The following EPHA6 variants were observed in gnomAD, a reference collection of about 807,000 sequenced individuals.
The protein encoded by EPHA6 is ephrin type-A receptor 6.
EPHA6 carries 50 observed loss-of-function variants against 112.0 expected under a neutral mutation model. That is an observed-to-expected ratio of 0.45 (90% confidence interval 0.36 to 0.56). EPHA6 has a LOEUF of 0.56. EPHA6 is among the 20% of genes least tolerant of loss of function. The pLI, the probability that EPHA6 is intolerant of heterozygous loss-of-function variation, is 0.00. For missense variants in EPHA6, 1,280 were observed against 1,417.4 expected (o/e 0.90, Z 1.56); for synonymous variants, 529 against 490.7 (o/e 1.08, Z -1.03).
intron 2 of EPHA6, among the ~76,000 whole-genome samples, chr3:96,940,380 G>A (rs888737128): frequency 6.6e-6 from 1 of 152,058 alleles, no homozygotes; most frequent in African/African-American, 2.4e-5. Context: ...TTTTATCTTT[G>A]TTAGTTTAAA....
Position 96,973,995 on chromosome 3 carries a change from A to G in EPHA6, c.451-13335A>G, listed in dbSNP as rs1437992613. Among the ~76,000 whole-genome samples the G allele has an allele frequency of 2.1e-5, 3 of 145,652 alleles. 1 individual carries two copies. The highest frequency in any genetic ancestry group is 7.5e-5 in the African/African-American group (3 of 40,246). ...TAACAGAATCTTTATTATATATAATATACTGTGTATATTTAATAAAATATA... is the reference window on the plus strand; with the variant it reads ...TAACAGAATCTTTATTATATATAATGTACTGTGTATATTTAATAAAATATA... On this transcript the variant is annotated intron_variant, in intron 2 of 17. Transcript: ENST00000389672.
At chr3:97,690,031 A>G (rs941135225) in intron 14 of EPHA6, among the ~76,000 whole-genome samples, 2 of 152,198 alleles carry the variant, frequency 1.3e-5, no homozygotes, top group Non-Finnish European at 2.9e-5. Context: ...TTCATTCATC[A>G]GTGATGAACA....
chr3:96,933,938 A>C (rs751272304), intron 2 of EPHA6, among the ~76,000 whole-genome samples: 19 of 152,014 alleles, frequency 1.2e-4, no homozygotes, highest in Non-Finnish European at 2.9e-5. Context: ...TTGGTATTTT[A>C]TGACTCAATT....
intron 7 of EPHA6, among the ~76,000 whole-genome samples, chr3:97,469,720 G>A (rs146880801): frequency 6.6e-6 from 1 of 151,736 alleles, no homozygotes; most frequent in East Asian, 1.9e-4. Flanking sequence ...AATGGGACAT[G>A]GGAAAGGGAT....
chr3:97,572,397 G>T (rs2093343293), intron 11 of EPHA6, among the ~76,000 whole-genome samples: 1 of 152,024 alleles, frequency 6.6e-6, no homozygotes, highest in African/African-American at 2.4e-5. Context: ...TGATCCACCT[G>T]CCTCAGCCTC....
intron 2 of EPHA6, among the ~76,000 whole-genome samples, chr3:96,918,248 G>A (rs2039583374): frequency 6.6e-6 from 1 of 152,036 alleles, no homozygotes. Context: ...AATTTTTGAA[G>A]GGAAAAGGCA....
At chr3:97,367,558 G>C (rs998963594) in intron 5 of EPHA6, among the ~76,000 whole-genome samples, 20 of 152,004 alleles carry the variant, frequency 1.3e-4, no homozygotes, top group African/African-American at 4.8e-4. Context: ...TGTGTTGGGG[G>C]GTTGTTTTTA....
At chr3:97,580,501 C>A (rs1054300513) in intron 11 of EPHA6, among the ~76,000 whole-genome samples, 1 of 152,190 alleles carries the variant, frequency 6.6e-6, no homozygotes, top group African/African-American at 2.4e-5. Context: ...TCTTGACTCT[C>A]CTTCAATATT....
intron 3 of EPHA6, among the ~76,000 whole-genome samples, chr3:97,088,144 ACACTC>A (rs1256372447): frequency 1.3e-5 from 2 of 152,004 alleles, no homozygotes; most frequent in Non-Finnish European, 2.9e-5. Flanking sequence ...TCGTGCCACT[ACACTC>A]CAGCCTGGTG....
intron 11 of EPHA6, among the ~76,000 whole-genome samples, chr3:97,563,008 T>C (rs1424659974): frequency 6.6e-6 from 1 of 152,158 alleles, no homozygotes; most frequent in Non-Finnish European, 1.5e-5. Context: ...CTTAATAAAC[T>C]ACAGTATATT....
At chr3:96,831,801 G>C (rs1195138339) in intron 1 of EPHA6, among the ~76,000 whole-genome samples, 2 of 152,034 alleles carry the variant, frequency 1.3e-5, no homozygotes, top group African/African-American at 4.8e-5. Flanking sequence ...TAAGATATTA[G>C]ATAGTCCACA....
Position 97,181,934 on chromosome 3 carries a change from A to G in EPHA6, c.1115-44330A>G, listed in dbSNP as rs1033887382. ...TTTTTGACCTTGACCTCCAAACATT[A>G]TGATTCATCTGGGAGCCGACACTTG... On this transcript the variant is annotated intron_variant, in intron 3 of 17. Transcript: ENST00000389672. 2.0e-5 allele frequency among the ~76,000 whole-genome samples: 3 copies of G among 152,052 alleles called. No homozygotes were observed. The East Asian group carries it at 5.8e-4, about 29-fold the overall frequency.
rs114340998 is a variant in EPHA6, at chr3:97,293,373, C to G, written c.1606+49086C>G. 6.9e-3 allele frequency among the ~76,000 whole-genome samples: 1,048 copies of G among 152,122 alleles called. 17 individuals are homozygous for G. Among genetic ancestry groups the G allele is most frequent in the African/African-American group, 0.024 (1,004 of 41,520 alleles). ...TTGGCAGGCAGGTCATCCTGGCTAG[C>G]ATCCAACTCTCAGCAAAGAGGACAC... On this transcript the variant is annotated intron_variant, in intron 5 of 17. Coordinates refer to ENST00000389672, the MANE Select transcript of EPHA6 (RefSeq NM_001080448.3).
rs1189083133 is a variant in EPHA6, at chr3:97,747,523, G to C, written c.3229G>C (p.Val1077Leu). The change falls in exon 17 of 18, where the codon GTG becomes CTG. Residue 1077 changes from valine (V) to leucine (L), a missense_variant. Val to Leu is a conservative substitution (Grantham distance 32, BLOSUM62 1). Around this residue, in one of 4 missense-constraint regions of EPHA6, gnomAD observed 145 missense variants for 153.3 expected, o/e 0.95. Coordinates refer to ENST00000389672, the MANE Select transcript of EPHA6 (RefSeq NM_001080448.3). The part of the protein sequence containing the change: ...IKMGQYKNNF[V>L]AAGFTTFDLI... ...GATGGGGCAATACAAGAATAACTTC[G>C]TGGCAGCAGGGTTTACAACATTTGA... is the stretch of plus-strand genomic sequence containing the variant. The C allele has an allele frequency of 1.9e-6, 3 of 1,610,792 alleles. No homozygotes were observed. The South Asian group carries it at 3.3e-5, about 18-fold the overall frequency.
intron 14 of EPHA6, chr3:97,648,285 G>A (rs1300750310): frequency 1.9e-6 from 2 of 1,036,306 alleles, no homozygotes; most frequent in Non-Finnish European, 3.0e-6. Context: ...TGCATTCATA[G>A]GACCTCTTCC....
intron 11 of EPHA6, among the ~76,000 whole-genome samples, chr3:97,580,282 C>T (rs1247183176): frequency 6.6e-6 from 1 of 152,176 alleles, no homozygotes; most frequent in Non-Finnish European, 1.5e-5. Context: ...TAATCATTCA[C>T]CACCCCTAGT....
intron 3 of EPHA6, among the ~76,000 whole-genome samples, chr3:97,224,844 A>G (rs931941750): frequency 3.3e-5 from 5 of 152,034 alleles, no homozygotes; most frequent in African/African-American, 9.7e-5. Flanking sequence ...TAAATTGACT[A>G]GTATGTTAGA....
At chr3:96,821,218 A>G (rs1403192129) in intron 1 of EPHA6, among the ~76,000 whole-genome samples, 1 of 151,948 alleles carries the variant, frequency 6.6e-6, no homozygotes, top group African/African-American at 2.4e-5. Context: ...TTACCTTTTA[A>G]TACTACTACA....
intron 14 of EPHA6, among the ~76,000 whole-genome samples, chr3:97,669,253 T>C (rs2030520667): frequency 6.6e-6 from 1 of 151,968 alleles, no homozygotes; most frequent in African/African-American, 2.4e-5. Flanking sequence ...TCTTTTACTT[T>C]CTGTTTTGTT....
Sources: gnomAD v4.1 joint callset for allele counts (sites outside exome capture counted in the v4.1 genomes callset) on GRCh38, gnomAD v4.1.1 for gene constraint, gnomAD v4.1.1 regional missense constraint, MANE v1.5 for transcripts, NCBI Gene and HGNC (gene_info 2026-07-23, HGNC 2026-07-21) for gene names.